Variants in BMAL2 observed in about 807,000 individuals in gnomAD.
BMAL2 encodes the protein basic helix-loop-helix ARNT-like protein 2.
the BMAL2 span, among the ~76,000 whole-genome samples, chr12:27,342,037 A>G: frequency 6.6e-6 from 1 of 152,032 alleles, no homozygotes; most frequent in Non-Finnish European, 1.5e-5. Context: ...CCTGGGTTCA[A>G]GCAATTCTCA....
chr12:27,417,567 A>G, the BMAL2 span, among the ~76,000 whole-genome samples: 1 of 152,180 alleles, frequency 6.6e-6, no homozygotes, highest in Admixed American at 6.5e-5. Context: ...TAGCTGCCTC[A>G]CGGTATCTGA....
At chr12:27,337,250 G>A in the BMAL2 span, among the ~76,000 whole-genome samples, 1 of 152,172 alleles carries the variant, frequency 6.6e-6, no homozygotes. Flanking sequence ...TAGAATTGAA[G>A]GTTAAGACTA....
the BMAL2 span, chr12:27,389,831 C>T: frequency 6.8e-6 from 2 of 295,530 alleles, no homozygotes; most frequent in Non-Finnish European, 1.2e-5. Context: ...TATTTCATTT[C>T]ACTTAAATTA....
chr12:27,392,140 A>T, the BMAL2 span, among the ~76,000 whole-genome samples: 1 of 152,194 alleles, frequency 6.6e-6, no homozygotes, highest in Non-Finnish European at 1.5e-5. Context: ...TTAGATTTGA[A>T]TCCTAACTCA....
At chr12:27,338,193 A>G in the BMAL2 span, among the ~76,000 whole-genome samples, 2 of 152,232 alleles carry the variant, frequency 1.3e-5, no homozygotes, top group African/African-American at 2.4e-5. Context: ...TTAAATACGC[A>G]CTATTTACTA....
chr12:27,410,214 A>C, the BMAL2 span, among the ~76,000 whole-genome samples: 1 of 152,176 alleles, frequency 6.6e-6, no homozygotes, highest in Non-Finnish European at 1.5e-5. Context: ...AAAACTAGAA[A>C]TACCATTTGA....
the BMAL2 span, among the ~76,000 whole-genome samples, chr12:27,399,327 ACATCTTTGGTGACAGAG>A: frequency 6.6e-6 from 1 of 152,086 alleles, no homozygotes; most frequent in East Asian, 1.9e-4. Context: ...TCCTATTTGA[ACATCTTTGGTGACAGAG>A]CACTCACTAT....
the BMAL2 span, among the ~76,000 whole-genome samples, chr12:27,355,544 T>C: frequency 7.9e-5 from 12 of 152,238 alleles, no homozygotes; most frequent in Admixed American, 3.3e-4. Context: ...CTCTGTGATG[T>C]ACCATTTAAC....
chr12:27,389,285 T>C, the BMAL2 span: 2 of 1,592,598 alleles, frequency 1.3e-6, no homozygotes, highest in Non-Finnish European at 1.7e-6. Context: ...GAAAAGCTAA[T>C]AGATGCCAAA....
chr12:27,387,417 A>G, the BMAL2 span: 4 of 790,268 alleles, frequency 5.1e-6, no homozygotes, highest in Non-Finnish European at 8.5e-6. Context: ...CCCCACTGGG[A>G]TATGGGATTA....
At chr12:27,392,569 G>A in the BMAL2 span, among the ~76,000 whole-genome samples, 1 of 151,996 alleles carries the variant, frequency 6.6e-6, no homozygotes, top group Non-Finnish European at 1.5e-5. Flanking sequence ...ATGTTTTACT[G>A]TTAGGCTTTA....
chr12:27,333,270 CCCCGTGGGGCACAGGTGCGGCGCGGCG>C, the BMAL2 span: 1 of 656,520 alleles, frequency 1.5e-6, no homozygotes, highest in Non-Finnish European at 2.1e-6. Context: ...GACAAGGCCG[CCCCGTGGGGCACAGGTGCGGCGCGGCG>C]CCCGGCGCGT....
the BMAL2 span, among the ~76,000 whole-genome samples, chr12:27,351,331 AAAAG>A: frequency 1.2e-4 from 18 of 152,212 alleles, no homozygotes; most frequent in Non-Finnish European, 2.5e-4. Context: ...TAGTTGTAGA[AAAAG>A]AAAAGGTAAA....
chr12:27,417,619 G>A, the BMAL2 span, among the ~76,000 whole-genome samples: 1 of 152,102 alleles, frequency 6.6e-6, no homozygotes, highest in Non-Finnish European at 1.5e-5. Context: ...TTGGCACATG[G>A]TCCTCGGGAA....
chr12:27,372,969 A>G, the BMAL2 span, among the ~76,000 whole-genome samples: 1 of 152,142 alleles, frequency 6.6e-6, no homozygotes, highest in Non-Finnish European at 1.5e-5. Flanking sequence ...CACTGCGCCC[A>G]GCCAATACTT....
the BMAL2 span, chr12:27,415,736 G>A: frequency 1.5e-6 from 1 of 660,296 alleles, no homozygotes; most frequent in Non-Finnish European, 2.6e-6. Flanking sequence ...CAGTCTAATT[G>A]TGAAACCTGC....
At chr12:27,337,985 C>T in the BMAL2 span, among the ~76,000 whole-genome samples, 1 of 152,150 alleles carries the variant, frequency 6.6e-6, no homozygotes, top group African/African-American at 2.4e-5. Context: ...ACACTTGTGC[C>T]TGTCTGCCAC....
chr12:27,333,699 C>T, the BMAL2 span, among the ~76,000 whole-genome samples: 10 of 152,240 alleles, frequency 6.6e-5, no homozygotes, highest in Non-Finnish European at 1.5e-4. Context: ...CAGCCCGCTC[C>T]GCGACAGCCC....
the BMAL2 span, among the ~76,000 whole-genome samples, chr12:27,363,597 AC>A: frequency 6.6e-6 from 1 of 152,164 alleles, no homozygotes; most frequent in South Asian, 2.1e-4. Flanking sequence ...TGTGTTGACA[AC>A]TGGAATTTCT....
Sources: gnomAD v4.1 joint callset for allele counts (sites outside exome capture counted in the v4.1 genomes callset) on GRCh38, gnomAD v4.1.1 for gene constraint, MANE v1.5 for transcripts, NCBI Gene and HGNC (gene_info 2026-07-23, HGNC 2026-07-21) for gene names.